Variants in HAT1 observed in about 807,000 individuals in gnomAD.
HAT1 encodes histone acetyltransferase 1, also known as histone acetyltransferase type B catalytic subunit.
A neutral mutation model predicts 56.6 loss-of-function variants in HAT1; 20 were observed. That is an observed-to-expected ratio of 0.35 (90% confidence interval 0.25 to 0.51). The LOEUF (loss-of-function observed/expected upper bound fraction) is 0.51. Ranked by LOEUF, HAT1 falls within the 20% of genes least tolerant of loss-of-function variation. The pLI is 0.95. For synonymous variants in HAT1, 146 were observed against 165.5 expected, an observed-to-expected ratio of 0.88 and a Z score of 0.91; for missense variants, 408 against 504.3, an observed-to-expected ratio of 0.81 and a Z score of 1.83.
At chr2:171,940,142 A>T (rs561396426) in intron 2 of HAT1, among the ~76,000 whole-genome samples, 1 of 152,338 alleles carries the variant, frequency 6.6e-6, no homozygotes, top group East Asian at 1.9e-4. Flanking sequence ...GTCCATGCAT[A>T]TACCAACACA....
chr2:171,950,538 C>T (rs191235782), intron 3 of HAT1, among the ~76,000 whole-genome samples: 1 of 151,882 alleles, frequency 6.6e-6, no homozygotes, highest in African/African-American at 2.4e-5. Context: ...GAGTCTCACT[C>T]TGTTGCCCAG....
At chr2:171,949,175 T>C (rs1687242450) in intron 3 of HAT1, among the ~76,000 whole-genome samples, 2 of 152,084 alleles carry the variant, frequency 1.3e-5, no homozygotes, top group African/African-American at 2.4e-5. Flanking sequence ...CTTCTTCTTA[T>C]TTATTTCTTT....
At chr2:171,977,541 ATATATATATATATATAT>A (rs1474337084) in intron 9 of HAT1, among the ~76,000 whole-genome samples, 1 of 43,764 alleles carries the variant, frequency 2.3e-5, no homozygotes, top group Non-Finnish European at 5.6e-5. Flanking sequence ...ATATATATAT[ATATATATATATATATAT>A]TTTTTTTTTT....
chr2:171,965,246 A>G (rs1307701132), intron 4 of HAT1, 92 bp from the exon 5 acceptor site: 1 of 745,182 alleles, frequency 1.3e-6, no homozygotes, highest in African/African-American at 1.8e-5. Context: ...AAGTTTTGTA[A>G]TTTGTGTTGG....
intron 2 of HAT1, among the ~76,000 whole-genome samples, chr2:171,937,910 T>C (rs951293444): frequency 2.0e-5 from 3 of 152,154 alleles, no homozygotes; most frequent in African/African-American, 7.2e-5. Flanking sequence ...TAGTCTCAGC[T>C]ACTTGGGAGG....
chr2:171,935,085 A>T (rs552839186), intron 2 of HAT1, among the ~76,000 whole-genome samples: 1 of 151,806 alleles, frequency 6.6e-6, no homozygotes, highest in African/African-American at 2.4e-5. Flanking sequence ...CGAGGCTGCT[A>T]TGAAAAAAAT....
intron 2 of HAT1, among the ~76,000 whole-genome samples, chr2:171,933,022 AT>A (rs1686783415): frequency 6.6e-6 from 1 of 151,844 alleles, no homozygotes; most frequent in African/African-American, 2.4e-5. Flanking sequence ...TGTTTTCTTA[AT>A]CTTTATAAAT....
chr2:171,952,954 C>G lies in HAT1; in HGVS notation c.262C>G (p.Arg88Gly). The G allele has an allele frequency of 6.3e-7, 1 of 1,584,798 alleles. No homozygotes were observed. Among genetic ancestry groups the G allele is most frequent in the Non-Finnish European group, 8.7e-7 (1 of 1,154,086 alleles). ...TGCTGGTAGCCTGTCAACAATGTTCCGTGTTGAATATGCATCTAAAGTTGA... is the reference window on the plus strand; with the variant it reads ...TGCTGGTAGCCTGTCAACAATGTTCGGTGTTGAATATGCATCTAAAGTTGA... ...YIAGSLSTMF[R>G]VEYASKVDEN... Residue 88 changes from arginine (R) to glycine (G), a missense_variant, in exon 4 of 11, where the codon CGT becomes GGT. By Grantham distance (125) the Arg-to-Gly change is moderately radical. Coordinates refer to ENST00000264108, the MANE Select transcript of HAT1 (RefSeq NM_003642.4).
chr2:171,977,555 ATATTTTTTTTTTT>A (rs1417221980), intron 9 of HAT1, among the ~76,000 whole-genome samples: 1 of 11,218 alleles, frequency 8.9e-5, no homozygotes, highest in Admixed American at 1.1e-3. Flanking sequence ...ATATATATAT[ATATTTTTTTTTTT>A]TTTTTTTTTT....
Position 171,965,872 on chromosome 2 carries a change from T to C in HAT1, c.575T>C (p.Ile192Thr). ...LMWFIETASFIDVDDERWHYF... is the reference protein window; with the variant it reads ...LMWFIETASFTDVDDERWHYF... ...TGGTTTATTGAAACTGCTAGCTTTA[T>C]TGACGTGGATGATGAAAGATGGCAC... The change falls in exon 6 of 11, where the codon ATT becomes ACT. Residue 192 changes from isoleucine to threonine, a missense_variant. Ile to Thr is a moderately conservative substitution (Grantham distance 89, BLOSUM62 -1). Transcript: ENST00000264108. 1 of 1,613,202 alleles carries C rather than the reference T, an allele frequency of 6.2e-7. No homozygotes were observed. Among genetic ancestry groups the C allele is most frequent in the Non-Finnish European group, 8.5e-7 (1 of 1,179,180 alleles).
At chr2:171,938,063 T>TCTCTCTCTCTCTCTCTCTCC (rs1686921063) in intron 2 of HAT1, among the ~76,000 whole-genome samples, 2 of 143,792 alleles carry the variant, frequency 1.4e-5, no homozygotes, top group Non-Finnish European at 3.1e-5. Context: ...TCTCTCTCTC[T>TCTCTCTCTCTCTCTCTCTCC]CTCTCTCTCT....
intron 2 of HAT1, among the ~76,000 whole-genome samples, chr2:171,928,780 T>A (rs1477748640): frequency 6.6e-6 from 1 of 152,236 alleles, no homozygotes; most frequent in Non-Finnish European, 1.5e-5. Flanking sequence ...AGTGCTGGGA[T>A]TACAGGCGTG....
At position 171,979,379 on chromosome 2, in the gene HAT1, A is replaced by G. The variant is rs779614918; in HGVS notation, c.1092+16A>G. ...CCCATATAAGGTAGGACTTTCAAGA[A>G]TCTTAAACACTGTATTCTTTTCACT... On this transcript the variant is annotated intron_variant, in intron 10 of 10. Transcript: ENST00000264108. 1 of 1,132,660 alleles carries G rather than the reference A, an allele frequency of 8.8e-7. No individual in the cohort carries two copies. Among genetic ancestry groups the G allele is most frequent in the East Asian group, 2.3e-5 (1 of 42,756 alleles). The allele number at this position is 1,132,660 out of a possible 1,614,324, so 70.2% of individuals were successfully genotyped here.
chr2:171,974,551 G>A (rs1032827530), intron 8 of HAT1, among the ~76,000 whole-genome samples: 2 of 152,168 alleles, frequency 1.3e-5, no homozygotes, highest in African/African-American at 4.8e-5. Flanking sequence ...TTTGCAGTCA[G>A]ATGCATTTTC....
chr2:171,949,751 C>G (rs1687258232), intron 3 of HAT1, among the ~76,000 whole-genome samples: 1 of 151,764 alleles, frequency 6.6e-6, no homozygotes, highest in Non-Finnish European at 1.5e-5. Context: ...CTCCTGGGCT[C>G]AAGTGATCCT....
intron 2 of HAT1, among the ~76,000 whole-genome samples, chr2:171,926,584 C>T (rs1045557557): frequency 6.6e-6 from 1 of 152,194 alleles, no homozygotes; most frequent in Non-Finnish European, 1.5e-5. Flanking sequence ...TGAGCCACCA[C>T]GCCTGGCTTA....
At chr2:171,981,495 T>C (rs996787706) in intron 10 of HAT1, among the ~76,000 whole-genome samples, 12 of 152,210 alleles carry the variant, frequency 7.9e-5, no homozygotes, top group Non-Finnish European at 1.5e-4. Context: ...TGAATGCTGA[T>C]GGTTCATTGG....
intron 9 of HAT1, among the ~76,000 whole-genome samples, chr2:171,978,337 A>C (rs891769126): frequency 6.6e-6 from 1 of 152,094 alleles, no homozygotes; most frequent in Admixed American, 6.5e-5. Context: ...ATGAGCCACC[A>C]TGTCCAGCCC....
chr2:171,935,580 T>C (rs1399067462), intron 2 of HAT1, among the ~76,000 whole-genome samples: 1 of 147,650 alleles, frequency 6.8e-6, no homozygotes, highest in Non-Finnish European at 1.5e-5. Flanking sequence ...TGAAGAATTG[T>C]TAGAATTGGG....
Sources: gnomAD v4.1 joint callset for allele counts (sites outside exome capture counted in the v4.1 genomes callset) on GRCh38, gnomAD v4.1.1 for gene constraint, MANE v1.5 for transcripts, NCBI Gene and HGNC (gene_info 2026-07-23, HGNC 2026-07-21) for gene names.